Variants in PTPRG observed in about 807,000 individuals in gnomAD.
PTPRG encodes protein tyrosine phosphatase receptor type G.
A neutral mutation model predicts 165.3 loss-of-function variants in PTPRG; 102 were observed. That is an observed-to-expected ratio of 0.62 (90% CI 0.53 to 0.73). The LOEUF is 0.73. Among genes scored for constraint, PTPRG ranks in the 30% least tolerant of loss-of-function variants. PTPRG has a pLI of 0.00. For missense variants in PTPRG, 1,866 were observed against 1,861.4 expected, an observed-to-expected ratio of 1.00 and a Z score of -0.05; for synonymous variants, 675 against 669.5, an observed-to-expected ratio of 1.01 and a Z score of -0.13.
chr3:61,822,153 A>C (rs2035974934), intron 2 of PTPRG, among the ~76,000 whole-genome samples: 1 of 152,184 alleles, frequency 6.6e-6, no homozygotes, highest in African/African-American at 2.4e-5. Flanking sequence ...TGTTTTTGGA[A>C]ATGCTCCTCT....
chr3:61,840,550 T>C (rs1338311652), intron 2 of PTPRG, among the ~76,000 whole-genome samples: 1 of 152,150 alleles, frequency 6.6e-6, no homozygotes, highest in African/African-American at 2.4e-5. Flanking sequence ...GTGAATTGTG[T>C]AATGATTTCT....
intron 1 of PTPRG, among the ~76,000 whole-genome samples, chr3:61,679,780 A>T (rs1188589565): frequency 6.6e-6 from 1 of 152,122 alleles, no homozygotes; most frequent in Non-Finnish European, 1.5e-5. Context: ...ACTCTGTCTC[A>T]AAAAACCAAA....
intron 3 of PTPRG, among the ~76,000 whole-genome samples, chr3:62,000,480 A>T (rs1015650179): frequency 6.6e-6 from 1 of 152,174 alleles, no homozygotes; most frequent in South Asian, 2.1e-4. Context: ...AGAGAGAAGC[A>T]TCCAGAGAAA....
intron 2 of PTPRG, among the ~76,000 whole-genome samples, chr3:61,906,510 C>G (rs1207955188): frequency 6.6e-6 from 1 of 152,026 alleles, no homozygotes; most frequent in Non-Finnish European, 1.5e-5. Context: ...TGGCTCACAC[C>G]TGTAATCTCA....
intron 1 of PTPRG, among the ~76,000 whole-genome samples, chr3:61,618,066 G>A (rs1453476454): frequency 5.3e-5 from 8 of 152,138 alleles, no homozygotes; most frequent in Non-Finnish European, 1.0e-4. Context: ...TTAGTATTTA[G>A]TGTGGTGGAA....
chr3:62,293,439 AT>A lies in PTPRG; in HGVS notation c.*138del, dbSNP rs1460255614. The stretch of plus-strand genomic sequence containing the variant: ...TACACTGATAAAAGTTTTGATATTT[AT>A]TTTTTGCCATTTTATGTCTTAATGG... On this transcript the variant is annotated 3_prime_UTR_variant, in exon 30 of 30. Transcript: ENST00000474889. 1.3e-6 allele frequency: 1 copy of A among 792,948 alleles called. No individual in the cohort carries two copies. Among genetic ancestry groups the A allele is most frequent in the African/African-American group, 1.8e-5 (1 of 56,054 alleles). 49.1% of individuals were successfully genotyped at this position (792,948 alleles called of 1,614,324 possible).
rs776026181 is a variant in PTPRG at position 62,213,482 on chromosome 3, C to T, written c.2156-5369C>T. On this transcript the variant is annotated intron_variant, in intron 12 of 29. Transcript: ENST00000474889. The surrounding 1 kb of genome is among the most constrained non-coding windows in gnomAD (Gnocchi z 4.4). ...ATAACTTACATAGTCTGTTTTCACA[C>T]GGACGATCTTTTTTCATCCTCAGGA... 1.3e-5 allele frequency among the ~76,000 whole-genome samples: 2 copies of T among 152,138 alleles called. No individual in the cohort carries two copies. Among genetic ancestry groups the T allele is most frequent in the African/African-American group, 4.8e-5 (2 of 41,438 alleles).
intron 6 of PTPRG, 144 bp downstream of exon 6, chr3:62,132,812 G>C (rs1703567095): frequency 1.3e-6 from 1 of 769,208 alleles, no homozygotes; most frequent in South Asian, 1.5e-5. Context: ...GCCATTATAT[G>C]ATGGGTAAAG....
chr3:61,654,531 T>G (rs1008542607), intron 1 of PTPRG, among the ~76,000 whole-genome samples: 6 of 151,486 alleles, frequency 4.0e-5, no homozygotes, highest in African/African-American at 1.5e-4. Flanking sequence ...ACTAGAGGCA[T>G]GTGCCACCAT....
chr3:62,236,651 C>T (rs1701039936), intron 14 of PTPRG, among the ~76,000 whole-genome samples: 1 of 152,186 alleles, frequency 6.6e-6, no homozygotes, highest in Non-Finnish European at 1.5e-5. Flanking sequence ...AACTCTTTGC[C>T]ACCCTGATGT....
intron 2 of PTPRG, among the ~76,000 whole-genome samples, chr3:61,931,327 A>G (rs895184536): frequency 1.3e-5 from 2 of 152,178 alleles, no homozygotes; most frequent in Non-Finnish European, 2.9e-5. Flanking sequence ...GGCTAACTCC[A>G]AGTTACTTTG....
intron 2 of PTPRG, among the ~76,000 whole-genome samples, chr3:61,831,338 G>T (rs941550358): frequency 1.3e-5 from 2 of 152,294 alleles, no homozygotes; most frequent in South Asian, 4.1e-4. Context: ...AGTTAAGAAA[G>T]GAAGCAGTTG....
intron 2 of PTPRG, chr3:61,749,388 A>G (rs1348843229): frequency 1.3e-5 from 4 of 315,232 alleles, no homozygotes; most frequent in South Asian, 2.5e-5. Context: ...AGAATGCTCT[A>G]TTAGGCTCTA....
intron 8 of PTPRG, among the ~76,000 whole-genome samples, chr3:62,175,111 C>T (rs1214552413): frequency 6.6e-6 from 1 of 152,148 alleles, no homozygotes; most frequent in Admixed American, 6.5e-5. Context: ...TTCATGATTA[C>T]TCTAAGTTTA....
chr3:61,959,796 C>G (rs2040110009), intron 2 of PTPRG, among the ~76,000 whole-genome samples: 1 of 152,152 alleles, frequency 6.6e-6, no homozygotes, highest in East Asian at 1.9e-4. Context: ...GATCAGTGTC[C>G]CTGCCTGTGT....
At chr3:61,935,890 G>T (rs963331827) in intron 2 of PTPRG, among the ~76,000 whole-genome samples, 1 of 135,248 alleles carries the variant, frequency 7.4e-6, no homozygotes, top group Non-Finnish European at 1.7e-5. Context: ...TTAAATGATG[G>T]TGTTCCCTTC....
At chr3:62,045,812 T>G (rs1452683724) in intron 4 of PTPRG, among the ~76,000 whole-genome samples, 1 of 152,252 alleles carries the variant, frequency 6.6e-6, no homozygotes, top group African/African-American at 2.4e-5. Flanking sequence ...CTTTATCTTT[T>G]GTAATGCAAG....
intron 4 of PTPRG, among the ~76,000 whole-genome samples, chr3:62,022,121 C>T (rs572482290): frequency 6.2e-4 from 94 of 152,230 alleles, no homozygotes; most frequent in Middle Eastern, 3.4e-3. Context: ...GGCTGCTGTA[C>T]GTGACTATTC....
intron 7 of PTPRG, among the ~76,000 whole-genome samples, chr3:62,164,216 G>A (rs932685647): frequency 1.3e-5 from 2 of 152,150 alleles, no homozygotes; most frequent in Non-Finnish European, 2.9e-5. Context: ...TGGGCTTATG[G>A]CACCTTTTGG....
Sources: allele counts gnomAD v4.1 joint callset (sites outside exome capture counted in the v4.1 genomes callset), GRCh38; gene constraint gnomAD v4.1.1; non-coding constraint Gnocchi (gnomAD v3.1); transcripts MANE v1.5; gene names NCBI Gene and HGNC (gene_info 2026-07-23, HGNC 2026-07-21).